The following TK2 variants were observed in gnomAD, a reference collection of about 807,000 sequenced individuals.
TK2 encodes the protein thymidine kinase 2, mitochondrial.
In TK2, 35 loss-of-function variants were observed where a neutral mutation model predicts 41.9. The observed-to-expected ratio is 0.84, with a 90% CI of 0.64 to 1.11. The LOEUF (loss-of-function observed/expected upper bound fraction) is 1.11. Among genes scored for constraint, TK2 ranks in the 50% least tolerant of loss-of-function variants. TK2 has a pLI of 0.00. For synonymous variants in TK2, 128 were observed against 129.1 expected (o/e 0.99, Z 0.06); for missense variants, 320 against 351.1 (o/e 0.91, Z 0.71).
intron 9 of TK2, among the ~76,000 whole-genome samples, chr16:66,513,258 A>T (rs1218970805): frequency 6.6e-6 from 1 of 152,228 alleles, no homozygotes; most frequent in Admixed American, 6.5e-5. Context: ...CAGAGACATT[A>T]GTGGGCAGGG....
intron 6 of TK2, among the ~76,000 whole-genome samples, chr16:66,519,554 TGAA>T (rs1311426323): frequency 6.6e-6 from 1 of 152,016 alleles, no homozygotes; most frequent in Non-Finnish European, 1.5e-5. Flanking sequence ...CGAGCCAGGG[TGAA>T]GGAGAAATCT....
At chr16:66,531,353 G>A in intron 5 of TK2, 27 bp downstream of exon 5, 2 of 1,608,058 alleles carry the variant, frequency 1.2e-6, no homozygotes, top group Non-Finnish European at 1.7e-6. Flanking sequence ...CGTTTAAGAA[G>A]GCTGAAACTG....
At chr16:66,523,965 T>C (rs1181075817) in intron 6 of TK2, among the ~76,000 whole-genome samples, 1 of 152,238 alleles carries the variant, frequency 6.6e-6, no homozygotes, top group African/African-American at 2.4e-5. Flanking sequence ...TCCTTCCCTT[T>C]ATCCCTTCTG....
intron 5 of TK2, among the ~76,000 whole-genome samples, chr16:66,530,566 T>G (rs753747377): frequency 6.6e-6 from 1 of 152,080 alleles, no homozygotes; most frequent in Admixed American, 6.5e-5. Context: ...CCAGACCCCA[T>G]GAAGGTTAAA....
intron 2 of TK2, among the ~76,000 whole-genome samples, chr16:66,545,042 C>A: frequency 6.9e-6 from 1 of 144,598 alleles, no homozygotes; most frequent in Non-Finnish European, 1.5e-5. Flanking sequence ...TGTGGTGAGC[C>A]GAGATCACAC....
At chr16:66,541,510 C>T (rs1292806049) in intron 3 of TK2, among the ~76,000 whole-genome samples, 3 of 152,276 alleles carry the variant, frequency 2.0e-5, no homozygotes, top group South Asian at 4.1e-4. Flanking sequence ...ACTGCAACCT[C>T]CACCTCCTGG....
chr16:66,517,077 C>T lies in TK2; in HGVS notation c.618+59G>A, dbSNP rs770829317. On this transcript the variant is annotated intron_variant, in intron 8 of 9. Coordinates refer to ENST00000544898, the MANE Select transcript of TK2 (RefSeq NM_004614.5). The surrounding 1 kb of genome is among the most constrained non-coding windows in gnomAD (Gnocchi z 4.3). ...TGGGGGTGGGGCCGGGAGAGGAAGC[C>T]GGGTTGGACAGAGGTGGTTTCCCAG... is the stretch of plus-strand genomic sequence containing the variant. 9.7e-5 allele frequency: 144 copies of T among 1,485,230 alleles called. No individual in the cohort carries two copies. Among genetic ancestry groups the T allele is most frequent in the Middle Eastern group, 1.8e-4 (1 of 5,656 alleles). The allele number at this position is 1,485,230 out of a possible 1,614,324, so 92.0% of individuals were successfully genotyped here. A position where few individuals can be genotyped will look rare whatever the true frequency, so the allele number is the denominator to read the frequency against.
chr16:66,548,789 G>C, intron 2 of TK2, 189 bp downstream of exon 2: 1 of 624,170 alleles, frequency 1.6e-6, no homozygotes, highest in South Asian at 1.9e-5. Flanking sequence ...CAGACTCTGG[G>C]GAAAGATACA....
At chr16:66,538,019 C>T (rs1431287090) in intron 3 of TK2, among the ~76,000 whole-genome samples, 3 of 152,018 alleles carry the variant, frequency 2.0e-5, no homozygotes, top group African/African-American at 4.8e-5. Context: ...AAAAATTAGC[C>T]GGATGTAGTG....
At chr16:66,532,993 G>C (rs1440187004) in intron 4 of TK2, among the ~76,000 whole-genome samples, 1 of 151,996 alleles carries the variant, frequency 6.6e-6, no homozygotes, top group African/African-American at 2.4e-5. Context: ...CTCTATAGTA[G>C]CTGTACTAAT....
At chr16:66,518,461 T>C (rs1371521891) in intron 6 of TK2, among the ~76,000 whole-genome samples, 2 of 152,194 alleles carry the variant, frequency 1.3e-5, no homozygotes, top group East Asian at 3.8e-4. Context: ...GCCCAGGGGT[T>C]TAAGGCTGTA....
chr16:66,535,149 T>C (rs1453417261), intron 4 of TK2, among the ~76,000 whole-genome samples: 1 of 152,234 alleles, frequency 6.6e-6, no homozygotes, highest in Non-Finnish European at 1.5e-5. Flanking sequence ...GTCACCTTTC[T>C]GCATCAGAAA....
intron 6 of TK2, among the ~76,000 whole-genome samples, chr16:66,519,419 T>C (rs1001543416): frequency 2.0e-5 from 3 of 152,012 alleles, no homozygotes; most frequent in African/African-American, 7.2e-5. Context: ...CCTCAAATGA[T>C]CCACCCGCCT....
At chr16:66,523,864 C>T (rs1184295303) in intron 6 of TK2, among the ~76,000 whole-genome samples, 1 of 152,048 alleles carries the variant, frequency 6.6e-6, no homozygotes, top group Non-Finnish European at 1.5e-5. Context: ...CAAAAAAACC[C>T]CACATCTACT....
intron 2 of TK2, among the ~76,000 whole-genome samples, chr16:66,543,502 G>A (rs1965517322): frequency 6.6e-6 from 1 of 152,152 alleles, no homozygotes; most frequent in South Asian, 2.1e-4. Flanking sequence ...ACTGTCCCCT[G>A]AGAACACATT....
chr16:66,545,502 G>A (rs563765055), intron 2 of TK2, among the ~76,000 whole-genome samples: 4 of 152,262 alleles, frequency 2.6e-5, no homozygotes, highest in South Asian at 2.1e-4. Context: ...ATACTAATAC[G>A]TGCTACAAGG....
chr16:66,547,848 C>A, intron 2 of TK2: 1 of 1,206,916 alleles, frequency 8.3e-7, no homozygotes, highest in African/African-American at 1.6e-5. Context: ...ATACCACTTT[C>A]TATGAACTAG....
At chr16:66,524,627 T>C (rs1964875996) in intron 6 of TK2, among the ~76,000 whole-genome samples, 1 of 152,112 alleles carries the variant, frequency 6.6e-6, no homozygotes, top group Non-Finnish European at 1.5e-5. Flanking sequence ...TATAAGCCAC[T>C]ACACCCGGCC....
chr16:66,531,364 A>G lies in TK2; in HGVS notation c.375+16T>C. 6.2e-7 allele frequency: 1 copy of G among 1,612,928 alleles called. No homozygotes were observed. ...AAAACGTTTAAGAAGGCTGAAACTG[A>G]GCATCTGAAACCTACCTGAGGACGA... On this transcript the variant is annotated intron_variant, in intron 5 of 9. Coordinates refer to ENST00000544898, the MANE Select transcript of TK2 (RefSeq NM_004614.5).
Sources: allele counts gnomAD v4.1 joint callset (sites outside exome capture counted in the v4.1 genomes callset), GRCh38; gene constraint gnomAD v4.1.1; non-coding constraint Gnocchi (gnomAD v3.1); transcripts MANE v1.5; gene names NCBI Gene and HGNC (gene_info 2026-07-23, HGNC 2026-07-21).